APBB2: variants seen among roughly 807,000 people sequenced by gnomAD.
APBB2 encodes the protein amyloid beta precursor protein binding family B member 2, also known as Fe65-like 1.
APBB2 carries 38 observed loss-of-function variants against 82.5 expected under a neutral mutation model. The observed-to-expected ratio is 0.46, with a 90% CI of 0.36 to 0.60. APBB2 has a LOEUF of 0.60. APBB2 is among the 20% of genes least tolerant of loss of function. The pLI is 0.00. For synonymous variants in APBB2, 341 were observed against 368.2 expected (o/e 0.93, Z 0.85); for missense variants, 772 against 972.3 (o/e 0.79, Z 2.74).
At chr4:40,922,296 C>T in intron 10 of APBB2, among the ~76,000 whole-genome samples, 1 of 152,124 alleles carries the variant, frequency 6.6e-6, no homozygotes, top group Non-Finnish European at 1.5e-5. Flanking sequence ...GTTTCCTTCC[C>T]CAGTCTGACT....
intron 10 of APBB2, among the ~76,000 whole-genome samples, chr4:40,933,870 C>A (rs1330376322): frequency 6.6e-6 from 1 of 152,226 alleles, no homozygotes. Context: ...CACACAGGGG[C>A]CTTCTCATTG....
intron 2 of APBB2, among the ~76,000 whole-genome samples, chr4:41,125,695 A>G (rs1251542463): frequency 6.6e-6 from 1 of 152,228 alleles, no homozygotes; most frequent in Non-Finnish European, 1.5e-5. Flanking sequence ...ATCAAATTCA[A>G]ATAAATAGGC....
chr4:40,824,106 C>A (rs534810790), intron 15 of APBB2, among the ~76,000 whole-genome samples: 1 of 152,164 alleles, frequency 6.6e-6, no homozygotes, highest in East Asian at 1.9e-4. Context: ...GAGCTGAGAT[C>A]GCACCACTGC....
rs556356910 is a variant in APBB2 at position 40,984,601 on chromosome 4, G to A, written c.835+28982C>T. Among the ~76,000 whole-genome samples the A allele has an allele frequency of 5.9e-5, 9 of 152,258 alleles. No individual in the cohort carries two copies. In the South Asian group the frequency reaches 1.7e-3, roughly 28 times the overall value. On this transcript the variant is annotated intron_variant, in intron 6 of 17. Transcript: ENST00000508593. ...AAATGGTTTTCTGGTTCACCATGGA[G>A]TGATAAGCGTTCTTCTAGAGCTATC...
intron 12 of APBB2, among the ~76,000 whole-genome samples, chr4:40,877,405 G>C (rs1228175121): frequency 1.3e-5 from 2 of 152,158 alleles, no homozygotes; most frequent in Non-Finnish European, 2.9e-5. Flanking sequence ...ATGGACTTAG[G>C]GGATGACGTG....
intron 1 of APBB2, among the ~76,000 whole-genome samples, chr4:41,152,059 A>G (rs1762405230): frequency 6.6e-6 from 1 of 151,942 alleles, no homozygotes; most frequent in African/African-American, 2.4e-5. Flanking sequence ...CTTTCTGGTT[A>G]ATTTCTTCAA....
At chr4:40,835,214 T>C (rs557534038) in intron 12 of APBB2, among the ~76,000 whole-genome samples, 2 of 150,994 alleles carry the variant, frequency 1.3e-5, no homozygotes, top group Middle Eastern at 3.4e-3. Context: ...AGGTGGAGGT[T>C]GCAGTGAGCC....
intron 12 of APBB2, among the ~76,000 whole-genome samples, chr4:40,857,909 C>A (rs916329048): frequency 6.6e-6 from 1 of 152,160 alleles, no homozygotes; most frequent in African/African-American, 2.4e-5. Flanking sequence ...TTTTATAAAT[C>A]TGAATAATCA....
chr4:40,904,096 C>G (rs919544124), intron 10 of APBB2, among the ~76,000 whole-genome samples: 1 of 150,746 alleles, frequency 6.6e-6, no homozygotes, highest in African/African-American at 2.5e-5. Context: ...GATTTCTGCC[C>G]GCAGCCCAGG....
At position 41,083,896 on chromosome 4, in the gene APBB2, G is replaced by A. The variant is rs529697836; in HGVS notation, c.-149+16743C>T. 6.6e-5 allele frequency among the ~76,000 whole-genome samples: 10 copies of A among 151,852 alleles called. No homozygotes were observed. The South Asian group carries it at 2.1e-3, about 32-fold the overall frequency. On this transcript the variant is annotated intron_variant, in intron 3 of 17. Coordinates refer to ENST00000508593, the MANE Select transcript of APBB2 (RefSeq NM_004307.2). ...AAATAAAAGTTATGTTACATTCATA[G>A]GCCTTAAAAAATAATAAAAATTAAA... is the stretch of plus-strand genomic sequence containing the variant.
chr4:41,113,626 TA>T (rs1171643520), intron 2 of APBB2, among the ~76,000 whole-genome samples: 1 of 152,216 alleles, frequency 6.6e-6, no homozygotes, highest in East Asian at 1.9e-4. Flanking sequence ...AAAATTTTGT[TA>T]AAACACTAAA....
chr4:41,028,511 C>T (rs1715401415), intron 5 of APBB2, among the ~76,000 whole-genome samples: 1 of 152,098 alleles, frequency 6.6e-6, no homozygotes, highest in Non-Finnish European at 1.5e-5. Flanking sequence ...GATAACCTGC[C>T]CAGCATGACT....
intron 6 of APBB2, among the ~76,000 whole-genome samples, chr4:40,964,948 G>T (rs994546086): frequency 6.6e-6 from 1 of 151,896 alleles, no homozygotes; most frequent in Admixed American, 6.6e-5. Context: ...GTGAAACCCC[G>T]TCTCTACTAA....
intron 6 of APBB2, among the ~76,000 whole-genome samples, chr4:40,993,166 G>C (rs539582230): frequency 6.6e-6 from 1 of 152,246 alleles, no homozygotes; most frequent in South Asian, 2.1e-4. Flanking sequence ...CTATTTGACA[G>C]AGGAGGAAAC....
intron 12 of APBB2, among the ~76,000 whole-genome samples, chr4:40,871,504 T>C (rs1015618484): frequency 5.3e-5 from 8 of 152,188 alleles, no homozygotes; most frequent in African/African-American, 1.9e-4. Flanking sequence ...CACAAGGTAA[T>C]TGGAGTGTCC....
At chr4:41,200,540 C>G (rs1776443069) in intron 1 of APBB2, among the ~76,000 whole-genome samples, 1 of 152,126 alleles carries the variant, frequency 6.6e-6, no homozygotes, top group Non-Finnish European at 1.5e-5. Context: ...GTTGCTCTCC[C>G]CTGGCGGCTG....
intron 15 of APBB2, among the ~76,000 whole-genome samples, chr4:40,824,474 A>G (rs1272583985): frequency 1.3e-5 from 2 of 152,228 alleles, no homozygotes; most frequent in East Asian, 1.9e-4. Flanking sequence ...ACATTCACAG[A>G]GCGCACCCAT....
chr4:41,093,831 G>A lies in APBB2; in HGVS notation c.-149+6808C>T, dbSNP rs1283757585. On this transcript the variant is annotated intron_variant, in intron 3 of 17. Coordinates refer to ENST00000508593, the MANE Select transcript of APBB2 (RefSeq NM_004307.2). ...ATTGTGCCATTGCACTCCAGCCTGGGCAACAAGAGCGAAACTTCATCTCAA... is the reference window on the plus strand; with the variant it reads ...ATTGTGCCATTGCACTCCAGCCTGGACAACAAGAGCGAAACTTCATCTCAA... Among the ~76,000 whole-genome samples the A allele has an allele frequency of 4.0e-5, 6 of 151,190 alleles. No individual in the cohort carries two copies. In the East Asian group the frequency reaches 1.2e-3, roughly 29 times the overall value.
chr4:41,200,712 T>TA (rs1410574080), intron 1 of APBB2, among the ~76,000 whole-genome samples: 1 of 152,204 alleles, frequency 6.6e-6, no homozygotes, highest in Non-Finnish European at 1.5e-5. Context: ...TTTCTTTGTT[T>TA]AAAAAATGCA....
Sources: gnomAD v4.1 joint callset for allele counts (sites outside exome capture counted in the v4.1 genomes callset) on GRCh38, gnomAD v4.1.1 for gene constraint, MANE v1.5 for transcripts, NCBI Gene and HGNC (gene_info 2026-07-23, HGNC 2026-07-21) for gene names.